The following TANGO6 variants were observed in gnomAD, a reference collection of about 807,000 sequenced individuals.
TANGO6 encodes the protein transport and Golgi organization protein 6 homolog.
Under a neutral mutation model 114.2 loss-of-function variants are expected in TANGO6, and 90 were observed. That is an observed-to-expected ratio of 0.79 (90% CI 0.66 to 0.94). TANGO6 has a LOEUF of 0.94. Ranked by LOEUF, TANGO6 falls within the 40% of genes least tolerant of loss-of-function variation. TANGO6 has a pLI of 0.00. For synonymous variants in TANGO6, 477 were observed against 509.8 expected (o/e 0.94, Z 0.87); for missense variants, 1,274 against 1,315.3 (o/e 0.97, Z 0.49).
intron 7 of TANGO6, among the ~76,000 whole-genome samples, chr16:68,896,316 T>A (rs1962703260): frequency 6.6e-6 from 1 of 151,862 alleles, no homozygotes; most frequent in Non-Finnish European, 1.5e-5. Context: ...CCAAAGCTTT[T>A]ATTTTTTATT....
intron 17 of TANGO6, among the ~76,000 whole-genome samples, chr16:69,068,071 G>A (rs9922670): frequency 0.024 from 3,588 of 152,058 alleles, 143 homozygotes; most frequent in African/African-American, 0.081. Flanking sequence ...AATCTGGGAG[G>A]CAGAGGTTGC....
At chr16:69,072,176 T>C (rs778208186) in intron 17 of TANGO6, among the ~76,000 whole-genome samples, 1 of 150,758 alleles carries the variant, frequency 6.6e-6, no homozygotes. Context: ...TCTAAATTCT[T>C]TTGATAAAGA....
At position 68,880,529 on chromosome 16, in the gene TANGO6, TTG is replaced by T; in HGVS notation, c.1295-13_1295-12del. 1 of 1,600,572 alleles carries T rather than the reference TTG, an allele frequency of 6.2e-7. No homozygotes were observed. The highest frequency in any genetic ancestry group is 8.5e-7 in the Non-Finnish European group (1 of 1,172,150). On this transcript the variant is annotated splice_polypyrimidine_tract_variant and intron_variant, in intron 6 of 17. Transcript: ENST00000261778. Reference sequence around the variant, plus strand: ...AGTGAGGCACTAAATATGGGTAATTTTGTGTGTTTATTTTCTAGAGCTTTCAG... The same window carrying T: ...AGTGAGGCACTAAATATGGGTAATTTTGTGTTTATTTTCTAGAGCTTTCAG...
At chr16:68,939,024 A>G (rs1483534830) in intron 14 of TANGO6, among the ~76,000 whole-genome samples, 2 of 147,898 alleles carry the variant, frequency 1.4e-5, no homozygotes, top group African/African-American at 2.5e-5. Context: ...GTGAGTTATG[A>G]TCACACCACT....
chr16:69,064,705 C>T (rs530243062), intron 17 of TANGO6, among the ~76,000 whole-genome samples: 2 of 152,192 alleles, frequency 1.3e-5, no homozygotes, highest in Non-Finnish European at 2.9e-5. Context: ...ACCTCCCTAA[C>T]CTCCTGTGCC....
chr16:68,862,580 G>C (rs1432549486), intron 2 of TANGO6, among the ~76,000 whole-genome samples: 1 of 152,210 alleles, frequency 6.6e-6, no homozygotes, highest in Admixed American at 6.5e-5. Context: ...AGCACCTTCT[G>C]CAGGGGATAT....
Position 68,867,115 on chromosome 16 carries a change from G to T in TANGO6, c.889G>T (p.Ala297Ser). The T allele has an allele frequency of 1.2e-6, 2 of 1,613,622 alleles. No homozygotes were observed. Among genetic ancestry groups the T allele is most frequent in the Non-Finnish European group, 1.7e-6 (2 of 1,179,818 alleles). The change falls in exon 4 of 18, where the codon GCC becomes TCC. Residue 297 changes from alanine to serine, a missense_variant. Around this residue, in one of 5 missense-constraint regions of TANGO6, gnomAD observed 908 missense variants for 910.2 expected, o/e 1.00. Transcript: ENST00000261778. ...TGTGAAGACACAGATGAGGTGTCGG[G>T]CCCCAGCTTGGCTTCGGCGTCTATG... ...TDVKTQMRCR[A>S]PAWLRRLCGQ...
chr16:69,007,347 G>A (rs989176089), intron 15 of TANGO6, among the ~76,000 whole-genome samples: 2 of 141,542 alleles, frequency 1.4e-5, no homozygotes, highest in Non-Finnish European at 3.0e-5. Context: ...TCGGCTCACT[G>A]CAACCTCTGC....
chr16:69,021,803 A>C (rs948335060), intron 15 of TANGO6, among the ~76,000 whole-genome samples: 21 of 151,254 alleles, frequency 1.4e-4, no homozygotes, highest in African/African-American at 4.6e-4. Flanking sequence ...GGCTAATTAT[A>C]GTTGGGCTGG....
chr16:68,887,330 C>T (rs1446015333), intron 7 of TANGO6, among the ~76,000 whole-genome samples: 3 of 152,184 alleles, frequency 2.0e-5, no homozygotes, highest in East Asian at 3.9e-4. Flanking sequence ...CAGAGCAGCC[C>T]GTGTCACCTT....
intron 14 of TANGO6, 101 bp from the exon 15 acceptor site, chr16:68,973,927 G>T (rs906453393): frequency 1.4e-5 from 19 of 1,364,494 alleles, no homozygotes; most frequent in Middle Eastern, 1.8e-4. Flanking sequence ...TTTAGAGATG[G>T]TTTTCAGCAT....
At chr16:69,001,245 A>G (rs1485457957) in intron 15 of TANGO6, among the ~76,000 whole-genome samples, 1 of 152,206 alleles carries the variant, frequency 6.6e-6, no homozygotes. Flanking sequence ...CTTATCCTGA[A>G]TTAAATGGCT....
chr16:68,969,091 A>G (rs1368966477), intron 14 of TANGO6, among the ~76,000 whole-genome samples: 2 of 152,034 alleles, frequency 1.3e-5, no homozygotes, highest in Non-Finnish European at 2.9e-5. Context: ...TCTATATCTC[A>G]TCTGTTGCAC....
Position 69,082,605 on chromosome 16 carries a change from C to T in TANGO6, c.3109-880C>T, listed in dbSNP as rs569930873. 4.6e-5 allele frequency among the ~76,000 whole-genome samples: 7 copies of T among 152,140 alleles called. No individual in the cohort carries two copies. In the East Asian group the frequency reaches 1.2e-3, roughly 25 times the overall value. The stretch of plus-strand genomic sequence containing the variant: ...ACTAAAAATACAAAAATTAGCTGGG[C>T]GTGGTGGTGCGCACCTGTAGTCCCA... On this transcript the variant is annotated intron_variant, in intron 17 of 17. Transcript: ENST00000261778.
At chr16:69,031,010 C>T (rs9931827) in intron 16 of TANGO6, among the ~76,000 whole-genome samples, 25,237 of 151,948 alleles carry the variant, frequency 0.17, 2,240 homozygotes, top group Non-Finnish European at 0.19. Context: ...GAACCAATAT[C>T]GCACCACTAC....
At chr16:68,978,213 G>A (rs1028884254) in intron 15 of TANGO6, among the ~76,000 whole-genome samples, 12 of 152,118 alleles carry the variant, frequency 7.9e-5, no homozygotes, top group Admixed American at 5.2e-4. Context: ...CTGGTAGACC[G>A]CTACCTTTGG....
intron 15 of TANGO6, among the ~76,000 whole-genome samples, chr16:69,000,013 A>G (rs1271693838): frequency 2.6e-5 from 4 of 152,198 alleles, no homozygotes; most frequent in African/African-American, 9.6e-5. Context: ...TTGTCTGTGG[A>G]TGACAAAAAG....
At chr16:68,913,183 A>T (rs1218208432) in intron 11 of TANGO6, among the ~76,000 whole-genome samples, 1 of 151,468 alleles carries the variant, frequency 6.6e-6, no homozygotes, top group African/African-American at 2.4e-5. Context: ...CTCCCACCTT[A>T]GCCTCTCAAA....
At chr16:69,083,027 T>C (rs1960488587) in intron 17 of TANGO6, among the ~76,000 whole-genome samples, 1 of 151,676 alleles carries the variant, frequency 6.6e-6, no homozygotes, top group South Asian at 2.1e-4. Context: ...ATGGGAAACC[T>C]ATCTCAGTAC....
Sources: gnomAD v4.1 joint callset for allele counts (sites outside exome capture counted in the v4.1 genomes callset) on GRCh38, gnomAD v4.1.1 for gene constraint, gnomAD v4.1.1 regional missense constraint, MANE v1.5 for transcripts, NCBI Gene and HGNC (gene_info 2026-07-23, HGNC 2026-07-21) for gene names.